CTNNA3: variants seen among roughly 807,000 people sequenced by gnomAD.
CTNNA3 encodes the protein catenin alpha-3.
Under a neutral mutation model 95.7 loss-of-function variants are expected in CTNNA3, and 76 were observed. The ratio of observed to expected loss-of-function variants is 0.79; its 90% CI spans 0.66 to 0.96. The LOEUF is 0.96. Among genes scored for constraint, CTNNA3 ranks in the 40% least tolerant of loss-of-function variants. The pLI is 0.00. For missense variants in CTNNA3, 1,191 were observed against 1,089.8 expected (o/e 1.09, Z -1.31); for synonymous variants, 431 against 374.4 (o/e 1.15, Z -1.74).
chr10:67,059,646 G>C (rs1233189706), intron 7 of CTNNA3, among the ~76,000 whole-genome samples: 1 of 152,074 alleles, frequency 6.6e-6, no homozygotes, highest in Non-Finnish European at 1.5e-5. Flanking sequence ...TCTTGAGAAA[G>C]TAAATCTGTC....
intron 10 of CTNNA3, among the ~76,000 whole-genome samples, chr10:66,560,975 C>T (rs1842536259): frequency 6.6e-6 from 1 of 152,012 alleles, no homozygotes; most frequent in Non-Finnish European, 1.5e-5. Flanking sequence ...TCTTAAACTT[C>T]CCAGCCTGTA....
At chr10:66,683,406 G>A (rs1034302277) in intron 9 of CTNNA3, among the ~76,000 whole-genome samples, 2 of 152,094 alleles carry the variant, frequency 1.3e-5, no homozygotes, top group African/African-American at 2.4e-5. Context: ...CAAGTTGTTA[G>A]GAAACAGTAA....
At chr10:66,106,433 A>G (rs1205863045) in intron 13 of CTNNA3, among the ~76,000 whole-genome samples, 2 of 151,754 alleles carry the variant, frequency 1.3e-5, no homozygotes, top group Non-Finnish European at 2.9e-5. Flanking sequence ...AGTGTTATAT[A>G]TTAGAAAGGC....
chr10:66,448,528 G>A (rs1415364709), intron 11 of CTNNA3, among the ~76,000 whole-genome samples: 3 of 152,094 alleles, frequency 2.0e-5, no homozygotes, highest in African/African-American at 7.2e-5. Flanking sequence ...TCCTTTGTAG[G>A]GACATGGATG....
intron 7 of CTNNA3, among the ~76,000 whole-genome samples, chr10:67,111,157 C>A (rs1213442794): frequency 6.6e-6 from 1 of 152,096 alleles, no homozygotes; most frequent in Non-Finnish European, 1.5e-5. Flanking sequence ...TTTTATATAG[C>A]ATATGACATA....
chr10:66,247,517 A>G (rs2090384470), intron 13 of CTNNA3, among the ~76,000 whole-genome samples: 2 of 152,220 alleles, frequency 1.3e-5, no homozygotes, highest in Admixed American at 6.5e-5. Flanking sequence ...TGCAGCTGCA[A>G]CTGAAAGTGG....
chr10:66,315,716 T>C (rs1221136095), intron 12 of CTNNA3, among the ~76,000 whole-genome samples: 1 of 152,074 alleles, frequency 6.6e-6, no homozygotes, highest in East Asian at 1.9e-4. Flanking sequence ...TCTTATTAAA[T>C]GAGATTCTGA....
intron 15 of CTNNA3, among the ~76,000 whole-genome samples, chr10:66,041,034 C>A (rs2079675979): frequency 6.6e-6 from 1 of 152,172 alleles, no homozygotes; most frequent in Admixed American, 6.5e-5. Context: ...GCAGACACCA[C>A]CTTAACCAAA....
At chr10:66,705,099 T>C (rs939650570) in intron 9 of CTNNA3, among the ~76,000 whole-genome samples, 2 of 152,098 alleles carry the variant, frequency 1.3e-5, no homozygotes, top group African/African-American at 4.8e-5. Flanking sequence ...TTGAATTTGG[T>C]CATATTTTTG....
At chr10:65,974,250 A>C (rs1434494735) in intron 16 of CTNNA3, among the ~76,000 whole-genome samples, 1 of 152,200 alleles carries the variant, frequency 6.6e-6, no homozygotes, top group Non-Finnish European at 1.5e-5. Context: ...GTACATATTC[A>C]AAAGAAAATA....
intron 11 of CTNNA3, among the ~76,000 whole-genome samples, chr10:66,407,928 C>T (rs1470833054): frequency 2.0e-5 from 3 of 152,262 alleles, no homozygotes; most frequent in Non-Finnish European, 2.9e-5. Flanking sequence ...CAGTTCTGTT[C>T]TAACGCATAA....
chr10:67,254,721 T>C (rs1589091889), intron 5 of CTNNA3, among the ~76,000 whole-genome samples: 2 of 152,218 alleles, frequency 1.3e-5, no homozygotes, highest in Admixed American at 6.5e-5. Context: ...ATAAACACCA[T>C]TGTGTTACAA....
At chr10:66,057,379 G>C (rs141067894) in intron 15 of CTNNA3, among the ~76,000 whole-genome samples, 1 of 152,134 alleles carries the variant, frequency 6.6e-6, no homozygotes, top group Non-Finnish European at 1.5e-5. Context: ...ATTTACTACA[G>C]AGTTTAGAAA....
intron 13 of CTNNA3, among the ~76,000 whole-genome samples, chr10:66,136,218 A>G (rs1469873396): frequency 6.6e-6 from 1 of 152,228 alleles, no homozygotes; most frequent in Non-Finnish European, 1.5e-5. Context: ...CACAATTTAC[A>G]AATAACATAT....
intron 9 of CTNNA3, among the ~76,000 whole-genome samples, chr10:66,704,808 A>G (rs1387687655): frequency 1.3e-5 from 2 of 152,076 alleles, no homozygotes; most frequent in Non-Finnish European, 2.9e-5. Flanking sequence ...ATTCCATCAT[A>G]TTTTCTACAT....
chr10:66,167,653 A>T (rs907690492), intron 13 of CTNNA3, among the ~76,000 whole-genome samples: 4 of 152,166 alleles, frequency 2.6e-5, no homozygotes, highest in African/African-American at 9.7e-5. Flanking sequence ...TTACTTTGTT[A>T]ATCTATGTCC....
chr10:67,297,968 T>A (rs1280120701), intron 5 of CTNNA3, among the ~76,000 whole-genome samples: 2 of 152,244 alleles, frequency 1.3e-5, no homozygotes, highest in African/African-American at 4.8e-5. Context: ...GTCTATCGCA[T>A]ACATTTCTAG....
intron 3 of CTNNA3, among the ~76,000 whole-genome samples, chr10:67,556,170 G>A (rs1339789654): frequency 6.6e-6 from 1 of 152,162 alleles, no homozygotes; most frequent in Non-Finnish European, 1.5e-5. Context: ...ATTTTATTGA[G>A]GATTTGTGCA....
intron 7 of CTNNA3, among the ~76,000 whole-genome samples, chr10:67,170,817 A>G (rs1431942427): frequency 6.6e-6 from 1 of 152,206 alleles, no homozygotes; most frequent in Admixed American, 6.5e-5. Context: ...GCAATTCTGC[A>G]TAGTGCTATG....
Sources: allele counts gnomAD v4.1 joint callset (sites outside exome capture counted in the v4.1 genomes callset), GRCh38; gene constraint gnomAD v4.1.1; transcripts MANE v1.5; gene names NCBI Gene and HGNC (gene_info 2026-07-23, HGNC 2026-07-21).